Variants in PDE1A observed in about 807,000 individuals in gnomAD.
PDE1A encodes dual specificity calcium/calmodulin-dependent 3',5'-cyclic nucleotide phosphodiesterase 1A.
In PDE1A, 35 loss-of-function variants were observed where a neutral mutation model predicts 61.7. The observed-to-expected ratio is 0.57, with a 90% CI of 0.43 to 0.75. The LOEUF (loss-of-function observed/expected upper bound fraction) is 0.75. Among genes scored for constraint, PDE1A ranks in the 30% least tolerant of loss-of-function variants. PDE1A has a pLI of 0.00. For synonymous variants in PDE1A, 232 were observed against 213.2 expected (o/e 1.09, Z -0.77); for missense variants, 597 against 630.6 (o/e 0.95, Z 0.57).
intron 1 of PDE1A, among the ~76,000 whole-genome samples, chr2:182,414,379 A>G (rs1702795920): frequency 1.3e-5 from 2 of 152,122 alleles, no homozygotes; most frequent in Admixed American, 1.3e-4. Context: ...CTCATTCTTT[A>G]AGGGAAAACC....
chr2:182,156,747 G>C (rs150186325), intron 13 of PDE1A, among the ~76,000 whole-genome samples: 3 of 152,146 alleles, frequency 2.0e-5, no homozygotes, highest in Non-Finnish European at 2.9e-5. Context: ...AATCTAAAAA[G>C]AATCCAGCAG....
intron 2 of PDE1A, among the ~76,000 whole-genome samples, chr2:182,455,680 T>C (rs977724734): frequency 1.3e-5 from 2 of 152,048 alleles, no homozygotes; most frequent in Non-Finnish European, 2.9e-5. Flanking sequence ...CACTGCATGT[T>C]CTCACTCATA....
chr2:182,401,456 C>A (rs761407146), intron 1 of PDE1A, among the ~76,000 whole-genome samples: 1 of 152,118 alleles, frequency 6.6e-6, no homozygotes, highest in African/African-American at 2.4e-5. Flanking sequence ...AAAAGGCCTT[C>A]AATAAAATTC....
the PDE1A span, among the ~76,000 whole-genome samples, chr2:182,670,729 G>A: frequency 6.6e-6 from 1 of 152,288 alleles, no homozygotes; most frequent in African/African-American, 2.4e-5. Flanking sequence ...CAAGCTTTAA[G>A]GCACATAAGA....
the PDE1A span, among the ~76,000 whole-genome samples, chr2:182,687,585 AAACAG>A: frequency 7.9e-5 from 12 of 152,224 alleles, no homozygotes; most frequent in Non-Finnish European, 1.5e-4. Context: ...GATGGGGAAA[AAACAG>A]AACAGAAAAA....
intron 2 of PDE1A, among the ~76,000 whole-genome samples, chr2:182,255,665 T>C (rs1691727757): frequency 6.7e-6 from 1 of 150,088 alleles, no homozygotes; most frequent in Non-Finnish European, 1.5e-5. Context: ...TTTTCTTTTT[T>C]TTTTTTTTTT....
chr2:182,426,432 G>T (rs944616281), intron 1 of PDE1A, 146 bp downstream of exon 1: 17 of 584,000 alleles, frequency 2.9e-5, no homozygotes, highest in Non-Finnish European at 3.4e-5. Flanking sequence ...AAAACAAAAA[G>T]GCTCCCTCAG....
At chr2:182,688,108 G>T in the PDE1A span, among the ~76,000 whole-genome samples, 2 of 152,150 alleles carry the variant, frequency 1.3e-5, no homozygotes, top group African/African-American at 2.4e-5. Flanking sequence ...CATTCTGCAG[G>T]ATATTATCCA....
the PDE1A span, among the ~76,000 whole-genome samples, chr2:182,584,768 G>A: frequency 5.0e-4 from 76 of 152,292 alleles, no homozygotes; most frequent in African/African-American, 1.7e-3. Flanking sequence ...AGAAAGCCTG[G>A]CTACACCAGG....
the PDE1A span, among the ~76,000 whole-genome samples, chr2:182,552,993 C>T: frequency 2.0e-5 from 3 of 152,192 alleles, no homozygotes; most frequent in Non-Finnish European, 4.4e-5. Flanking sequence ...CCTGATCCAG[C>T]GAGGGGCCCA....
chr2:182,675,225 A>T, the PDE1A span, among the ~76,000 whole-genome samples: 10 of 152,002 alleles, frequency 6.6e-5, no homozygotes, highest in African/African-American at 2.4e-4. Context: ...TTCTGTTCCT[A>T]CATTAGTTTG....
intron 2 of PDE1A, among the ~76,000 whole-genome samples, chr2:182,262,283 A>C (rs1206447823): frequency 8.0e-6 from 1 of 125,564 alleles, no homozygotes; most frequent in East Asian, 2.2e-4. Flanking sequence ...TCATTTATCT[A>C]TTGACATGAT....
intron 1 of PDE1A, among the ~76,000 whole-genome samples, chr2:182,415,178 G>C (rs1702841649): frequency 1.3e-5 from 2 of 152,146 alleles, no homozygotes; most frequent in South Asian, 4.1e-4. Flanking sequence ...TCCTAAAAGA[G>C]AGAAAATAGC....
the PDE1A span, among the ~76,000 whole-genome samples, chr2:182,599,880 T>G: frequency 1.3e-5 from 2 of 152,216 alleles, no homozygotes; most frequent in African/African-American, 4.8e-5. Flanking sequence ...AATAATTACA[T>G]GTACCAGATC....
chr2:182,409,304 T>C (rs866160172), intron 1 of PDE1A, among the ~76,000 whole-genome samples: 43 of 152,344 alleles, frequency 2.8e-4, no homozygotes, highest in African/African-American at 1.0e-3. Flanking sequence ...ATGACTTCAA[T>C]GATTAATCTC....
the PDE1A span, among the ~76,000 whole-genome samples, chr2:182,619,280 A>G: frequency 2.6e-5 from 4 of 152,134 alleles, no homozygotes. Flanking sequence ...ATTCCCCCAA[A>G]TTGAGGAGAA....
chr2:182,641,341 A>C, the PDE1A span, among the ~76,000 whole-genome samples: 1 of 152,178 alleles, frequency 6.6e-6, no homozygotes, highest in African/African-American at 2.4e-5. Flanking sequence ...AATGTAAAAA[A>C]TATTTTCAAT....
At chr2:182,436,436 G>A (rs1325828276) in intron 2 of PDE1A, among the ~76,000 whole-genome samples, 1 of 151,838 alleles carries the variant, frequency 6.6e-6, no homozygotes, top group Non-Finnish European at 1.5e-5. Flanking sequence ...GCTTTCCCAA[G>A]CCCCATACTG....
chr2:182,406,365 G>A (rs994636186), intron 1 of PDE1A, among the ~76,000 whole-genome samples: 1 of 104,092 alleles, frequency 9.6e-6, no homozygotes, highest in African/African-American at 3.2e-5. Flanking sequence ...AGGTTTTTTG[G>A]CTCACAGTAA....
Sources: gnomAD v4.1 joint callset for allele counts (sites outside exome capture counted in the v4.1 genomes callset) on GRCh38, gnomAD v4.1.1 for gene constraint, MANE v1.5 for transcripts, NCBI Gene and HGNC (gene_info 2026-07-23, HGNC 2026-07-21) for gene names.